APC: variants seen among roughly 807,000 people sequenced by gnomAD.
The protein encoded by APC is APC regulator of Wnt signaling pathway, also known as adenomatous polyposis coli protein.
Under a neutral mutation model 247.0 loss-of-function variants are expected in APC, and 72 were observed. The observed-to-expected ratio is 0.29, with a 90% confidence interval of 0.24 to 0.35. APC has a LOEUF of 0.35. Among genes scored for constraint, APC ranks in the 10% least tolerant of loss-of-function variants. The pLI, the probability that APC is intolerant of heterozygous loss-of-function variation, is 1.00. For missense variants in APC, 3,400 were observed against 3,360.7 expected (o/e 1.01, Z -0.29); for synonymous variants, 1,254 against 1,162.5 (o/e 1.08, Z -1.60).
At chr5:112,830,843 T>C (rs1472942453) in intron 14 of APC, among the ~76,000 whole-genome samples, 1 of 152,214 alleles carries the variant, frequency 6.6e-6, no homozygotes, top group African/African-American at 2.4e-5. Flanking sequence ...TATAAATGTT[T>C]GTTATCTTGA....
intron 1 of APC, among the ~76,000 whole-genome samples, chr5:112,749,983 G>A (rs560756850): frequency 1.8e-5 from 2 of 110,734 alleles, no homozygotes; most frequent in East Asian, 2.8e-4. Context: ...TTTTTTTTGA[G>A]ATGGAGTCTT....
intron 6 of APC, among the ~76,000 whole-genome samples, chr5:112,781,541 CTTT>C (rs1190821866): frequency 1.3e-5 from 2 of 151,976 alleles, no homozygotes; most frequent in African/African-American, 4.8e-5. Flanking sequence ...TTGTTGTTTT[CTTT>C]TTTAACTTTT....
rs1047747451 is a variant in APC, at chr5:112,806,881, C to A, written c.834+5498C>A. 4.6e-5 allele frequency among the ~76,000 whole-genome samples: 7 copies of A among 152,124 alleles called. No homozygotes were observed. In the East Asian group the frequency reaches 1.3e-3, roughly 29 times the overall value. On this transcript the variant is annotated intron_variant, in intron 8 of 15. Transcript: ENST00000257430. The stretch of plus-strand genomic sequence containing the variant: ...GGGCATGGTGCTCACACATGTAATC[C>A]CAGCACTTTGGGAGGCTGAGATGAG...
At chr5:112,825,717 A>G (rs1490204528) in intron 11 of APC, among the ~76,000 whole-genome samples, 2 of 152,204 alleles carry the variant, frequency 1.3e-5, no homozygotes, top group Non-Finnish European at 2.9e-5. Context: ...AAAGATACAC[A>G]TTCATCCTTT....
At chr5:112,827,701 C>G (rs1473212124) in intron 12 of APC, among the ~76,000 whole-genome samples, 1 of 152,238 alleles carries the variant, frequency 6.6e-6, no homozygotes, top group East Asian at 1.9e-4. Flanking sequence ...TTTCTCACCA[C>G]TTATTCACTT....
At chr5:112,836,394 C>T (rs1345979212) in intron 15 of APC, among the ~76,000 whole-genome samples, 7 of 152,066 alleles carry the variant, frequency 4.6e-5, no homozygotes, top group Non-Finnish European at 8.8e-5. Context: ...AACTACAAGC[C>T]TAGTCTCCCT....
chr5:112,789,612 G>A (rs1332140838), intron 6 of APC, among the ~76,000 whole-genome samples: 2 of 152,074 alleles, frequency 1.3e-5, no homozygotes, highest in African/African-American at 4.8e-5. Context: ...GGCCTATATT[G>A]ATGGAAGGGA....
intron 2 of APC, among the ~76,000 whole-genome samples, chr5:112,755,973 A>T (rs1429583524): frequency 1.4e-5 from 2 of 147,608 alleles, no homozygotes; most frequent in South Asian, 2.1e-4. Flanking sequence ...CTTCCTTTAT[A>T]AAAAAAAAAA....
At chr5:112,736,352 T>C (rs1752383613), upstream of APC, among the ~76,000 whole-genome samples, 1 of 152,144 alleles carries the variant, frequency 6.6e-6, no homozygotes, top group Non-Finnish European at 1.5e-5. Flanking sequence ...GTTAAATAAA[T>C]ATTTGGGGTG....
At chr5:112,735,242 C>G (rs1752319300), upstream of APC, among the ~76,000 whole-genome samples, 1 of 152,098 alleles carries the variant, frequency 6.6e-6, no homozygotes, top group Admixed American at 6.5e-5. Context: ...ATGGCGAGAT[C>G]TCGGCTCACT....
chr5:112,753,456 T>A (rs1326640425), intron 1 of APC, among the ~76,000 whole-genome samples: 1 of 152,162 alleles, frequency 6.6e-6, no homozygotes, highest in African/African-American at 2.4e-5. Context: ...TCACTGTAAG[T>A]TATGTTGAAG....
chr5:112,800,014 G>T (rs1432066892), intron 7 of APC, among the ~76,000 whole-genome samples: 1 of 152,080 alleles, frequency 6.6e-6, no homozygotes, highest in Non-Finnish European at 1.5e-5. Flanking sequence ...ACAGCACCTT[G>T]TACCCTTCTT....
intron 1 of APC, among the ~76,000 whole-genome samples, chr5:112,740,666 C>T (rs980362351): frequency 1.3e-5 from 2 of 151,466 alleles, no homozygotes; most frequent in Admixed American, 1.3e-4. Context: ...GCAGGGACTA[C>T]AGGCACATAC....
In APC at chr5:112,838,772, ATAAAAC is replaced by A. The variant is rs1057517624; in HGVS notation, c.3179_3184del (p.Ile1060_Gln1062delinsLys). On this transcript the variant is annotated inframe_deletion, in exon 16 of 16. Transcript: ENST00000257430. ...ACCCAAACACATAATAGAAGATGAA[ATAAAAC>A]AAAGTGAGCAAAGACAATCAAGGAA... 2 of 1,614,160 alleles carry A rather than the reference ATAAAAC, an allele frequency of 1.2e-6. No homozygotes were observed. Among genetic ancestry groups the A allele is most frequent in the Non-Finnish European group, 1.7e-6 (2 of 1,180,000 alleles).
At chr5:112,768,289 C>A (rs771152921) in intron 4 of APC, among the ~76,000 whole-genome samples, 1 of 151,472 alleles carries the variant, frequency 6.6e-6, no homozygotes, top group Non-Finnish European at 1.5e-5. Context: ...GTGATTCCCC[C>A]CTGCCTCGGC....
rs1561595794 is a variant in APC, at chr5:112,840,432, C to T, written c.4838C>T (p.Pro1613Leu). The change falls in exon 16 of 16, where the codon CCT (proline) becomes CTT (leucine). Residue 1613 changes from proline (P) to leucine (L), a missense_variant. Pro to Leu is a moderately conservative substitution (Grantham distance 98). Around this residue, in one of 9 missense-constraint regions of APC, gnomAD observed 1,788 missense variants for 1,649.5 expected, o/e 1.08. Coordinates refer to ENST00000257430, the MANE Select transcript of APC (RefSeq NM_000038.6). This position sits in a 1 kb window ranked among gnomAD's most constrained non-coding sequence, Gnocchi z 4.1. ...GTGGCAAGGAAACCAAGTCAGCTGCCTGTGTACAAACTTCTACCATCACAA... is the reference window on the plus strand; with the variant it reads ...GTGGCAAGGAAACCAAGTCAGCTGCTTGTGTACAAACTTCTACCATCACAA... ...PPVARKPSQL[P>L]VYKLLPSQNR... The T allele has an allele frequency of 6.2e-7, 1 of 1,614,214 alleles. No individual in the cohort carries two copies.
intron 4 of APC, among the ~76,000 whole-genome samples, chr5:112,769,938 A>G (rs1561469252): frequency 6.6e-6 from 1 of 152,190 alleles, no homozygotes. Context: ...TTGAAACACC[A>G]TCTTGAAAAA....
intron 9 of APC, 108 bp from the exon 10 acceptor site, chr5:112,818,858 G>A: frequency 1.0e-6 from 1 of 995,218 alleles, no homozygotes; most frequent in South Asian, 1.6e-5. Context: ...GGGGGGGGTT[G>A]TTTTGTTTTT....
intron 12 of APC, among the ~76,000 whole-genome samples, chr5:112,827,648 C>A (rs1763838462): frequency 6.6e-6 from 1 of 152,210 alleles, no homozygotes; most frequent in Non-Finnish European, 1.5e-5. Context: ...CACATTGATT[C>A]CATCCAAATA....
Sources: gnomAD v4.1 joint callset for allele counts (sites outside exome capture counted in the v4.1 genomes callset) on GRCh38, gnomAD v4.1.1 for gene constraint, gnomAD v4.1.1 regional missense constraint, Gnocchi (gnomAD v3.1) non-coding constraint, MANE v1.5 for transcripts, NCBI Gene and HGNC (gene_info 2026-07-23, HGNC 2026-07-21) for gene names.